The following TOGARAM1 variants were observed in gnomAD, a reference collection of about 807,000 sequenced individuals.
The protein encoded by TOGARAM1 is TOG array regulator of axonemal microtubules 1, also known as TOG array regulator of axonemal microtubules protein 1.
TOGARAM1 carries 100 observed loss-of-function variants against 166.6 expected under a neutral mutation model. That is an observed-to-expected ratio of 0.60 (90% CI 0.51 to 0.71). TOGARAM1 has a LOEUF of 0.71. TOGARAM1 is among the 30% of genes least tolerant of loss of function. The pLI, the probability that TOGARAM1 is intolerant of heterozygous loss-of-function variation, is 0.00. For synonymous variants in TOGARAM1, 758 were observed against 763.8 expected (o/e 0.99, Z 0.13); for missense variants, 2,029 against 2,102.7 (o/e 0.96, Z 0.69).
chr14:45,066,798 G>A, intron 17 of TOGARAM1, 31 bp downstream of exon 17: 2 of 1,571,030 alleles, frequency 1.3e-6, no homozygotes, highest in Non-Finnish European at 8.7e-7. Context: ...ATTTTAATGT[G>A]GGTATGGTGG....
chr14:45,052,361 A>G, intron 14 of TOGARAM1, 75 bp from the exon 15 acceptor site: 1 of 1,265,634 alleles, frequency 7.9e-7, no homozygotes, highest in Non-Finnish European at 1.1e-6. Flanking sequence ...TTCTATTGAA[A>G]CAATGCATCT....
intron 5 of TOGARAM1, chr14:45,006,601 TG>T (rs1223900626): frequency 2.5e-5 from 4 of 160,464 alleles, no homozygotes; most frequent in Admixed American, 1.2e-4. Context: ...TTGTCATATT[TG>T]TTTCCTATAT....
At position 44,962,700 on chromosome 14, in the gene TOGARAM1, T is replaced by C. The variant is rs761305111; in HGVS notation, c.279T>C (p.Asp93=). ...CTGGAGGCGGTTTGTCAGGGGGAGA[T>C]GAAGAGGACACTCGGCTCCTTCAAC... ...SESGGGLSGG[D]EEDTRLLQLL... The change falls in exon 1 of 20, where the codon GAT becomes GAC. Residue 93 remains aspartate (D), a synonymous_variant. Coordinates refer to ENST00000361462, the MANE Select transcript of TOGARAM1 (RefSeq NM_001308120.2). 1.2e-6 allele frequency: 2 copies of C among 1,614,006 alleles called. No homozygotes were observed. The highest frequency in any genetic ancestry group is 4.5e-5 in the East Asian group (2 of 44,850).
Position 44,962,408 on chromosome 14 carries a change from C to T in TOGARAM1, c.-14C>T, listed in dbSNP as rs771027271. ...CAATGGTTTCTTCCAACCACCACCA[C>T]CTGACAACCCTGCATGGCGGCTGCC... On this transcript the variant is annotated 5_prime_UTR_variant, in exon 1 of 20. Coordinates refer to ENST00000361462, the MANE Select transcript of TOGARAM1 (RefSeq NM_001308120.2). 1.4e-5 allele frequency: 21 copies of T among 1,534,172 alleles called. No individual in the cohort carries two copies. Among genetic ancestry groups the T allele is most frequent in the African/African-American group, 8.3e-5 (6 of 72,598 alleles).
chr14:45,033,850 A>G (rs1474186647), intron 11 of TOGARAM1, among the ~76,000 whole-genome samples: 1 of 152,190 alleles, frequency 6.6e-6, no homozygotes, highest in Admixed American at 6.5e-5. Flanking sequence ...TAACAAAATT[A>G]TACAAAATAT....
chr14:45,062,405 A>T (rs1882937113), intron 16 of TOGARAM1, among the ~76,000 whole-genome samples: 1 of 152,130 alleles, frequency 6.6e-6, no homozygotes, highest in Non-Finnish European at 1.5e-5. Context: ...CCTGAAGTCT[A>T]TGTTAGTAGA....
Position 45,073,603 on chromosome 14 carries a change from T to C in TOGARAM1, c.*42T>C. On this transcript the variant is annotated 3_prime_UTR_variant, in exon 20 of 20. Transcript: ENST00000361462. ...TGTATGATGAACAAAAGTGTTTACA[T>C]GATGACAAATGGAACTTTCTAAAAG... 6.4e-7 allele frequency: 1 copy of C among 1,554,978 alleles called. No homozygotes were observed. Among genetic ancestry groups the C allele is most frequent in the Non-Finnish European group, 8.7e-7 (1 of 1,148,460 alleles).
chr14:45,018,316 T>TTG (rs1196116735), intron 7 of TOGARAM1, among the ~76,000 whole-genome samples: 8 of 152,254 alleles, frequency 5.3e-5, no homozygotes, highest in African/African-American at 1.9e-4. Context: ...CTTGGCTCAC[T>TTG]GCAACCTCCA....
intron 16 of TOGARAM1, among the ~76,000 whole-genome samples, chr14:45,065,288 C>A (rs1883087964): frequency 6.6e-6 from 1 of 152,152 alleles, no homozygotes; most frequent in Non-Finnish European, 1.5e-5. Flanking sequence ...AAAGGATGAT[C>A]ATCTAAACAG....
At chr14:45,046,471 A>G (rs1359784927) in intron 13 of TOGARAM1, 74 bp from the exon 14 acceptor site, 1 of 1,200,558 alleles carries the variant, frequency 8.3e-7, no homozygotes, top group Non-Finnish European at 1.1e-6. Context: ...AACAAAAACA[A>G]CCCATAGATC....
At chr14:45,063,558 C>T (rs973043744) in intron 16 of TOGARAM1, among the ~76,000 whole-genome samples, 1 of 148,650 alleles carries the variant, frequency 6.7e-6, no homozygotes, top group African/African-American at 2.5e-5. Flanking sequence ...GATCTCACTG[C>T]AACCTCTGCC....
chr14:45,038,146 A>G (rs146051269), intron 11 of TOGARAM1, among the ~76,000 whole-genome samples: 4 of 152,320 alleles, frequency 2.6e-5, no homozygotes, highest in Admixed American at 1.3e-4. Flanking sequence ...GGCTCAAGCA[A>G]TCCATCCACC....
chr14:45,068,197 G>T (rs1246324768), intron 17 of TOGARAM1, among the ~76,000 whole-genome samples: 1 of 152,022 alleles, frequency 6.6e-6, no homozygotes, highest in Non-Finnish European at 1.5e-5. Context: ...ATGTCTTTTG[G>T]GGTGATTTTT....
chr14:45,005,401 G>C (rs1273737745), intron 4 of TOGARAM1, among the ~76,000 whole-genome samples: 4 of 152,070 alleles, frequency 2.6e-5, no homozygotes, highest in Admixed American at 2.6e-4. Flanking sequence ...GATCCCTTGA[G>C]GTCAGGAGTT....
chr14:45,054,633 G>A (rs1166609878), intron 16 of TOGARAM1, 84 bp downstream of exon 16: 3 of 987,928 alleles, frequency 3.0e-6, no homozygotes, highest in Non-Finnish European at 4.5e-6. Context: ...AACTACCCCA[G>A]GGGTATTTGC....
At chr14:45,060,572 T>G (rs1882861510) in intron 16 of TOGARAM1, among the ~76,000 whole-genome samples, 2 of 152,164 alleles carry the variant, frequency 1.3e-5, no homozygotes, top group African/African-American at 4.8e-5. Flanking sequence ...TGGTAATTTT[T>G]CTACCTTGAT....
intron 5 of TOGARAM1, chr14:45,007,482 G>T (rs894905357): frequency 6.6e-6 from 1 of 151,834 alleles, no homozygotes; most frequent in Non-Finnish European, 1.5e-5. Context: ...CTTAAATATA[G>T]TTCTTTTTTT....
At chr14:45,063,050 A>G (rs1882968232) in intron 16 of TOGARAM1, among the ~76,000 whole-genome samples, 1 of 152,176 alleles carries the variant, frequency 6.6e-6, no homozygotes, top group African/African-American at 2.4e-5. Context: ...CATATAAAGG[A>G]AATCATATGA....
intron 17 of TOGARAM1, 152 bp downstream of exon 17, chr14:45,066,919 C>CA: frequency 2.1e-6 from 1 of 475,698 alleles, no homozygotes; most frequent in Non-Finnish European, 3.7e-6. Context: ...CCTGTCTCTA[C>CA]AAAAAAGAAA....
Sources: allele counts gnomAD v4.1 joint callset (sites outside exome capture counted in the v4.1 genomes callset), GRCh38; gene constraint gnomAD v4.1.1; transcripts MANE v1.5; gene names NCBI Gene and HGNC (gene_info 2026-07-23, HGNC 2026-07-21).